The following FNDC3B variants were observed in gnomAD, a reference collection of about 807,000 sequenced individuals.
FNDC3B encodes fibronectin type III domain containing 3B, also known as fibronectin type III domain-containing protein 3B.
FNDC3B carries 12 observed loss-of-function variants against 151.5 expected under a neutral mutation model. That is an observed-to-expected ratio of 0.08 (90% CI 0.05 to 0.13). The LOEUF is 0.13. Among genes scored for constraint, FNDC3B ranks in the 10% least tolerant of loss-of-function variants. The pLI is 1.00. For synonymous variants in FNDC3B, 528 were observed against 549.0 expected, an observed-to-expected ratio of 0.96 and a Z score of 0.54; for missense variants, 1,214 against 1,505.3, an observed-to-expected ratio of 0.81 and a Z score of 3.20.
chr3:172,090,636 A>G (rs773004304), intron 1 of FNDC3B, among the ~76,000 whole-genome samples: 1 of 152,106 alleles, frequency 6.6e-6, no homozygotes, highest in Non-Finnish European at 1.5e-5. Context: ...GTTACTTAGG[A>G]TCCAGCTCAC....
intron 6 of FNDC3B, among the ~76,000 whole-genome samples, chr3:172,276,943 G>C (rs1025375859): frequency 6.6e-6 from 1 of 152,168 alleles, no homozygotes; most frequent in Admixed American, 6.5e-5. Context: ...AATTAAAGAT[G>C]TTATTGGAAC....
chr3:172,342,756 T>C (rs1733400167), intron 17 of FNDC3B, among the ~76,000 whole-genome samples: 1 of 152,254 alleles, frequency 6.6e-6, no homozygotes, highest in Non-Finnish European at 1.5e-5. Flanking sequence ...TCATGTCTGC[T>C]AATCTAACTT....
chr3:172,307,558 G>A, intron 10 of FNDC3B, 57 bp downstream of exon 10: 6 of 1,582,118 alleles, frequency 3.8e-6, no homozygotes, highest in Admixed American at 1.7e-5. Flanking sequence ...CAGGTGTGGT[G>A]GCAACGTGTT....
intron 1 of FNDC3B, among the ~76,000 whole-genome samples, chr3:172,042,729 T>G (rs1452448696): frequency 2.0e-5 from 3 of 152,302 alleles, no homozygotes; most frequent in East Asian, 3.9e-4. Flanking sequence ...TTTTCTTCAG[T>G]GTTGGAAATG....
chr3:172,266,860 A>G (rs1372368271), intron 6 of FNDC3B, among the ~76,000 whole-genome samples: 4 of 152,276 alleles, frequency 2.6e-5, no homozygotes, highest in South Asian at 2.1e-4. Context: ...TCCAAAGACT[A>G]TTCCTTGCAG....
intron 2 of FNDC3B, among the ~76,000 whole-genome samples, chr3:172,129,726 C>G (rs922293771): frequency 6.6e-6 from 1 of 152,152 alleles, no homozygotes; most frequent in Non-Finnish European, 1.5e-5. Context: ...GCAATAGTAG[C>G]TTAGAGGATG....
chr3:172,347,040 T>A (rs1226029839), intron 20 of FNDC3B, among the ~76,000 whole-genome samples, 172 bp from the exon 21 acceptor site: 1 of 152,298 alleles, frequency 6.6e-6, no homozygotes, highest in Non-Finnish European at 1.5e-5. Flanking sequence ...TCAAAAAAAA[T>A]TTTGTGGGTA....
chr3:172,266,498 A>C (rs1457760592), intron 6 of FNDC3B, among the ~76,000 whole-genome samples: 3 of 152,316 alleles, frequency 2.0e-5, no homozygotes, highest in African/African-American at 7.2e-5. Context: ...AAACAACAGA[A>C]ATTTATTCTA....
chr3:172,087,846 G>A (rs1483544177), intron 1 of FNDC3B, among the ~76,000 whole-genome samples: 4 of 152,196 alleles, frequency 2.6e-5, no homozygotes, highest in African/African-American at 9.7e-5. Context: ...CGTGAAGGCT[G>A]ATTGAGAATT....
chr3:172,201,247 C>T (rs948527573), intron 3 of FNDC3B, among the ~76,000 whole-genome samples: 7 of 152,180 alleles, frequency 4.6e-5, no homozygotes, highest in African/African-American at 1.7e-4. Context: ...TGCCCTCTCA[C>T]GAAAGCTGCA....
intron 3 of FNDC3B, among the ~76,000 whole-genome samples, chr3:172,137,775 C>T (rs986591545): frequency 2.6e-5 from 4 of 152,132 alleles, no homozygotes; most frequent in African/African-American, 7.2e-5. Context: ...TCCCATGAAA[C>T]ATGAATCATA....
At chr3:172,191,428 G>C (rs950792184) in intron 3 of FNDC3B, among the ~76,000 whole-genome samples, 4 of 152,108 alleles carry the variant, frequency 2.6e-5, no homozygotes, top group African/African-American at 9.7e-5. Context: ...CCCCATTCTA[G>C]AGACAGGAGG....
chr3:172,106,197 G>A (rs1488967619), intron 1 of FNDC3B, among the ~76,000 whole-genome samples: 3 of 152,138 alleles, frequency 2.0e-5, no homozygotes, highest in African/African-American at 2.4e-5. Context: ...ACAGGGTCTT[G>A]CTATGTTGCC....
chr3:172,281,215 A>ATATT (rs56357726), intron 6 of FNDC3B, among the ~76,000 whole-genome samples: 43,816 of 131,190 alleles, frequency 0.33, 7,341 homozygotes, highest in Non-Finnish European at 0.4. Context: ...ATTATTATTT[A>ATATT]TATTTATTTA....
intron 3 of FNDC3B, among the ~76,000 whole-genome samples, chr3:172,188,063 TCGGCTCACTG>T (rs1297572219): frequency 2.0e-5 from 3 of 151,180 alleles, no homozygotes; most frequent in African/African-American, 7.3e-5. Context: ...TGGCGCGATC[TCGGCTCACTG>T]CAACCTCCGC....
At position 172,335,035 on chromosome 3, in the gene FNDC3B, C is replaced by T. The variant is rs144437924; in HGVS notation, c.1733C>T (p.Pro578Leu). 11 of 1,612,720 alleles carry T rather than the reference C, an allele frequency of 6.8e-6. No individual in the cohort carries two copies. Among genetic ancestry groups the T allele is most frequent in the South Asian group, 3.3e-5 (3 of 90,990 alleles). ...SPDRPGPPTR[P>L]LVKGPVTSHG... ...GACAGGCCTGGACCTCCTACCAGAC[C>T]GCTTGTCAAAGGCCCAGTTACATCT... The change falls in exon 15 of 26, where the codon CCG becomes CTG. Residue 578 changes from proline to leucine, a missense_variant. This residue lies in a region of FNDC3B where 380 missense variants were observed against 420.9 expected (regional missense o/e 0.90). Coordinates refer to ENST00000415807, the MANE Select transcript of FNDC3B (RefSeq NM_022763.4).
intron 6 of FNDC3B, among the ~76,000 whole-genome samples, chr3:172,251,770 A>T (rs1262086558): frequency 6.6e-6 from 1 of 152,204 alleles, no homozygotes; most frequent in East Asian, 1.9e-4. Flanking sequence ...CACAGATGCC[A>T]TGCAACTTTG....
chr3:172,393,597 A>G (rs1056353379), intron 25 of FNDC3B, among the ~76,000 whole-genome samples: 10 of 152,238 alleles, frequency 6.6e-5, no homozygotes, highest in Non-Finnish European at 2.9e-5. Context: ...TTAAGGCACA[A>G]CACAAGCCTC....
intron 21 of FNDC3B, 44 bp downstream of exon 21, chr3:172,347,405 C>T (rs1300618900): frequency 2.0e-6 from 3 of 1,482,300 alleles, no homozygotes; most frequent in African/African-American, 1.4e-5. Context: ...GACTGCTGTC[C>T]CATGAAAGGC....
Sources: allele counts gnomAD v4.1 joint callset (sites outside exome capture counted in the v4.1 genomes callset), GRCh38; gene constraint gnomAD v4.1.1; regional missense constraint gnomAD v4.1.1; transcripts MANE v1.5; gene names NCBI Gene and HGNC (gene_info 2026-07-23, HGNC 2026-07-21).